GALNT9: variants seen among roughly 807,000 people sequenced by gnomAD.
GALNT9 encodes the protein polypeptide N-acetylgalactosaminyltransferase 9.
Under a neutral mutation model 63.1 loss-of-function variants are expected in GALNT9, and 47 were observed. The observed-to-expected ratio is 0.75, with a 90% CI of 0.59 to 0.95. The LOEUF is 0.95. Among genes scored for constraint, GALNT9 ranks in the 40% least tolerant of loss-of-function variants. The pLI, the probability that GALNT9 is intolerant of heterozygous loss-of-function variation, is 0.00. For missense variants in GALNT9, 829 were observed against 874.8 expected, an observed-to-expected ratio of 0.95 and a Z score of 0.66; for synonymous variants, 396 against 365.7, an observed-to-expected ratio of 1.08 and a Z score of -0.94.
intron 6 of GALNT9, among the ~76,000 whole-genome samples, chr12:132,212,245 G>A (rs1413028660): frequency 1.9e-5 from 2 of 107,310 alleles, no homozygotes; most frequent in African/African-American, 7.7e-5. Context: ...ACCTCGACAC[G>A]GAAACCCCAC....
rs1364465623 is a variant in GALNT9, at chr12:132,238,931, A to G, written c.1077+8979T>C. 6.6e-6 allele frequency among the ~76,000 whole-genome samples: 1 copy of G among 152,216 alleles called. No homozygotes were observed. The highest frequency in any genetic ancestry group is 1.9e-4 in the East Asian group (1 of 5,208). ...AGAGATAACTGTACAAATAAATACAATAAGATACACACCGCAGTTAAAGTG... is the reference window on the plus strand; with the variant it reads ...AGAGATAACTGTACAAATAAATACAGTAAGATACACACCGCAGTTAAAGTG... On this transcript the variant is annotated intron_variant, in intron 6 of 10. Transcript: ENST00000328957. This position sits in a 1 kb window ranked among gnomAD's most constrained non-coding sequence, Gnocchi z 6.5.
chr12:132,270,902 A>C (rs1879839275), intron 2 of GALNT9, among the ~76,000 whole-genome samples: 1 of 152,044 alleles, frequency 6.6e-6, no homozygotes, highest in Non-Finnish European at 1.5e-5. Context: ...AGGAGACAGG[A>C]GGCAGAGATT....
intron 1 of GALNT9, among the ~76,000 whole-genome samples, chr12:132,293,985 C>G (rs556450211): frequency 2.0e-5 from 3 of 152,244 alleles, no homozygotes; most frequent in African/African-American, 7.2e-5. Context: ...CTTGCCCCTC[C>G]GAGCCTATCT....
chr12:132,252,215 CAG>C lies in GALNT9; in HGVS notation c.960-4190_960-4189del, dbSNP rs1878942725. ...TTGAAGCTCAGGTGCTTCAACTCTG[CAG>C]GGAGCAAAGAGGCCTCCAAAGATGA... On this transcript the variant is annotated intron_variant, in intron 5 of 10. Coordinates refer to ENST00000328957, the MANE Select transcript of GALNT9 (RefSeq NM_001122636.2). The surrounding 1 kb of genome is among the most constrained non-coding windows in gnomAD (Gnocchi z 5.2). Among the ~76,000 whole-genome samples the C allele has an allele frequency of 1.3e-5, 2 of 152,184 alleles. No individual in the cohort carries two copies. Among genetic ancestry groups the C allele is most frequent in the South Asian group, 4.1e-4 (2 of 4,824 alleles).
intron 7 of GALNT9, among the ~76,000 whole-genome samples, chr12:132,203,211 C>T (rs1876319244): frequency 1.3e-5 from 2 of 152,172 alleles, no homozygotes; most frequent in Non-Finnish European, 1.5e-5. Flanking sequence ...GGAGAGGCCG[C>T]CCCTCCCTGG....
chr12:132,293,061 G>A (rs1022613537), intron 1 of GALNT9, among the ~76,000 whole-genome samples: 1 of 152,126 alleles, frequency 6.6e-6, no homozygotes. Context: ...CGGGGCCAGG[G>A]CTGCCATAAT....
chr12:132,268,917 C>T lies in GALNT9; in HGVS notation c.420-6292G>A, dbSNP rs1413892373. ...GGTCGCGGAGGGGCCGGAACGCCCA[C>T]GTGTGGCGGGTGGGGACGGGAGGTG... is the stretch of plus-strand genomic sequence containing the variant. On this transcript the variant is annotated intron_variant, in intron 2 of 10. Transcript: ENST00000328957. 1.8e-4 allele frequency among the ~76,000 whole-genome samples: 27 copies of T among 152,342 alleles called. No individual in the cohort carries two copies. In the South Asian group the frequency reaches 1.9e-3, roughly 11 times the overall value.
chr12:132,325,891 C>T (rs900949806), intron 1 of GALNT9, among the ~76,000 whole-genome samples: 4 of 152,278 alleles, frequency 2.6e-5, no homozygotes, highest in African/African-American at 4.8e-5. Context: ...GCCAGGACCG[C>T]GCCAGGCAGG....
intron 6 of GALNT9, among the ~76,000 whole-genome samples, chr12:132,220,019 G>T (rs921553100): frequency 6.6e-6 from 1 of 152,110 alleles, no homozygotes; most frequent in African/African-American, 2.4e-5. Context: ...AGTGCCAGGA[G>T]GAGACGCTCT....
At chr12:132,258,683 G>T (rs1327160606) in intron 4 of GALNT9, among the ~76,000 whole-genome samples, 2 of 152,210 alleles carry the variant, frequency 1.3e-5, no homozygotes, top group Non-Finnish European at 2.9e-5. Flanking sequence ...GGGGCAATGG[G>T]GGGCGAGGAG....
rs782427664 is a variant in GALNT9 at position 132,262,606 on chromosome 12, C to T, written c.439G>A (p.Ala147Thr). 1.3e-5 allele frequency: 20 copies of T among 1,550,418 alleles called. No individual in the cohort carries two copies. The South Asian group carries it at 1.3e-4, about 10-fold the overall frequency. The change falls in exon 3 of 11, where the codon GCC (alanine) becomes ACC (threonine). Residue 147 changes from alanine (A) to threonine (T), a missense_variant. By Grantham distance (58) the Ala-to-Thr change is moderately conservative. Transcript: ENST00000328957. ...ACGGAGACCTGGGGCAGGTCCTGGG[C>T]GTAGCTCATCTGTCTGCACCTGCAG... Reference protein sequence around the residue: ...RPRKCRQMSYAQDLPQVSVVF... With the variant: ...RPRKCRQMSYTQDLPQVSVVF...
chr12:132,329,276 C>T lies in GALNT9; in HGVS notation c.-73G>A. The T allele has an allele frequency of 6.7e-7, 1 of 1,491,622 alleles. No homozygotes were observed. Among genetic ancestry groups the T allele is most frequent in the Non-Finnish European group, 9.0e-7 (1 of 1,116,306 alleles). 92.4% of individuals were successfully genotyped at this position (1,491,622 alleles called of 1,614,324 possible). On this transcript the variant is annotated 5_prime_UTR_variant, in exon 1 of 11. Coordinates refer to ENST00000328957, the MANE Select transcript of GALNT9 (RefSeq NM_001122636.2). ...CCCGCCCGGGCCTGGGCTTCAGCTT[C>T]GGCTTCGGGGACCATGAGCCGCCCG...
Position 132,306,006 on chromosome 12 carries a change from CA to C in GALNT9, c.239-19577del, listed in dbSNP as rs567040899. Among the ~76,000 whole-genome samples the C allele has an allele frequency of 1.6e-4, 24 of 152,196 alleles. 1 individual carries two copies. Among genetic ancestry groups the C allele is most frequent in the African/African-American group, 5.3e-4 (22 of 41,530 alleles). On this transcript the variant is annotated intron_variant, in intron 1 of 10. Coordinates refer to ENST00000328957, the MANE Select transcript of GALNT9 (RefSeq NM_001122636.2). ...CTCACGGCGGGGCCCACCCTCAGGA[CA>C]GGGGGGCTCATGGCGGGGCCCAGAC...
At chr12:132,226,111 A>G (rs1877669930) in intron 6 of GALNT9, among the ~76,000 whole-genome samples, 1 of 129,180 alleles carries the variant, frequency 7.7e-6, no homozygotes, top group South Asian at 2.6e-4. Context: ...CCCTACACAC[A>G]TACATCCCAC....
intron 5 of GALNT9, among the ~76,000 whole-genome samples, chr12:132,257,215 T>C (rs1879154238): frequency 6.6e-6 from 1 of 152,212 alleles, no homozygotes; most frequent in South Asian, 2.1e-4. Context: ...TAATTGGGGA[T>C]TATCAAGTGC....
chr12:132,227,204 A>G (rs2135524301), intron 6 of GALNT9, among the ~76,000 whole-genome samples: 1 of 152,270 alleles, frequency 6.6e-6, no homozygotes, highest in South Asian at 2.1e-4. Flanking sequence ...AGATACAGGA[A>G]GAATCGTTTC....
At chr12:132,318,334 G>A (rs1302945421) in intron 1 of GALNT9, among the ~76,000 whole-genome samples, 1 of 152,228 alleles carries the variant, frequency 6.6e-6, no homozygotes, top group Non-Finnish European at 1.5e-5. Flanking sequence ...GGGCAGGCCT[G>A]ACCCAGAACG....
intron 2 of GALNT9, among the ~76,000 whole-genome samples, chr12:132,277,078 T>C (rs967649259): frequency 2.6e-5 from 4 of 152,212 alleles, no homozygotes; most frequent in Admixed American, 6.5e-5. Flanking sequence ...GTGTTTCCGA[T>C]GACCAGCCCT....
rs2136896249 is a variant in GALNT9, at chr12:132,238,777, C to T, written c.1077+9133G>A. Among the ~76,000 whole-genome samples, 7 of 152,310 alleles carry T rather than the reference C, an allele frequency of 4.6e-5. No individual in the cohort carries two copies. Among genetic ancestry groups the T allele is most frequent in the African/African-American group, 1.2e-4 (5 of 41,560 alleles). Reference sequence around the variant, plus strand: ...TCCGCCCCCTCATCTGCAGGCCACCCGCCCAGGGACGTGCTACCATTTACC... The same window carrying T: ...TCCGCCCCCTCATCTGCAGGCCACCTGCCCAGGGACGTGCTACCATTTACC... On this transcript the variant is annotated intron_variant, in intron 6 of 10. Coordinates refer to ENST00000328957, the MANE Select transcript of GALNT9 (RefSeq NM_001122636.2). The surrounding 1 kb of genome is among the most constrained non-coding windows in gnomAD (Gnocchi z 6.5).
Sources: allele counts gnomAD v4.1 joint callset (sites outside exome capture counted in the v4.1 genomes callset), GRCh38; gene constraint gnomAD v4.1.1; non-coding constraint Gnocchi (gnomAD v3.1); transcripts MANE v1.5; gene names NCBI Gene and HGNC (gene_info 2026-07-23, HGNC 2026-07-21).